Variants in RARB observed in about 807,000 individuals in gnomAD.
RARB encodes the protein retinoic acid receptor beta, also known as HBV-activated protein.
A neutral mutation model predicts 51.9 loss-of-function variants in RARB; 17 were observed. The observed-to-expected ratio is 0.33, with a 90% CI of 0.22 to 0.49. The LOEUF (loss-of-function observed/expected upper bound fraction) is 0.49, where lower values mean the gene tolerates loss of function less well. RARB is among the 20% of genes least tolerant of loss of function. RARB has a pLI of 0.99. For synonymous variants in RARB, 215 were observed against 195.4 expected (o/e 1.10, Z -0.84); for missense variants, 369 against 550.8 (o/e 0.67, Z 3.30).
chr3:25,450,640 G>A (rs1432389655), intron 1 of RARB, among the ~76,000 whole-genome samples: 2 of 152,132 alleles, frequency 1.3e-5, no homozygotes, highest in African/African-American at 4.8e-5. Context: ...TCTTTGTTGT[G>A]TAGGAGGGGC....
At chr3:25,278,735 A>G (rs757627042) in intron 5 of RARB, among the ~76,000 whole-genome samples, 2 of 152,210 alleles carry the variant, frequency 1.3e-5, no homozygotes, top group Non-Finnish European at 2.9e-5. Context: ...CATGTGTACC[A>G]TATTATGTGA....
At chr3:25,416,877 TCTGTTA>T (rs1178508788) in intron 5 of RARB, among the ~76,000 whole-genome samples, 2 of 152,314 alleles carry the variant, frequency 1.3e-5, no homozygotes, top group Admixed American at 1.3e-4. Flanking sequence ...AATAGCCTCC[TCTGTTA>T]CTGTTGTGGT....
At chr3:24,999,106 T>G (rs1267024396) in intron 2 of RARB, among the ~76,000 whole-genome samples, 1 of 152,160 alleles carries the variant, frequency 6.6e-6, no homozygotes, top group Non-Finnish European at 1.5e-5. Context: ...TTAAGCTTCT[T>G]CAGGCTTTTC....
intron 5 of RARB, among the ~76,000 whole-genome samples, chr3:25,591,843 C>T (rs918110074): frequency 2.6e-5 from 4 of 152,204 alleles, no homozygotes; most frequent in Admixed American, 6.5e-5. Flanking sequence ...TCCTTATCCA[C>T]GCTGGAGTCC....
chr3:25,519,027 G>A (rs1015020369), intron 3 of RARB, among the ~76,000 whole-genome samples: 7 of 152,154 alleles, frequency 4.6e-5, no homozygotes, highest in African/African-American at 1.7e-4. Flanking sequence ...CACCTACACA[G>A]AGTCACAGTG....
intron 3 of RARB, among the ~76,000 whole-genome samples, chr3:25,062,124 G>A (rs774431586): frequency 1.3e-5 from 2 of 151,638 alleles, no homozygotes; most frequent in East Asian, 1.9e-4. Flanking sequence ...AAAATGGAAC[G>A]TGTTTATATC....
intron 3 of RARB, among the ~76,000 whole-genome samples, chr3:25,548,132 G>A (rs974209489): frequency 1.4e-5 from 2 of 145,942 alleles, no homozygotes; most frequent in East Asian, 2.0e-4. Flanking sequence ...AGTGGACTGT[G>A]GTTTGTGTGC....
intron 2 of RARB, among the ~76,000 whole-genome samples, chr3:24,926,733 T>C (rs2125390727): frequency 6.6e-6 from 1 of 151,976 alleles, no homozygotes; most frequent in South Asian, 2.1e-4. Context: ...TATAAATATA[T>C]AGCATGCCCT....
intron 5 of RARB, among the ~76,000 whole-genome samples, chr3:25,238,109 T>C (rs1344350591): frequency 6.6e-6 from 1 of 152,104 alleles, no homozygotes; most frequent in Non-Finnish European, 1.5e-5. Context: ...TATTTAATTG[T>C]ATGTTTGTAC....
chr3:25,456,718 G>GAGAGAC (rs1694939818), intron 1 of RARB, among the ~76,000 whole-genome samples: 1 of 124,320 alleles, frequency 8.0e-6, no homozygotes, highest in East Asian at 2.3e-4. Flanking sequence ...GAGAGAGAGA[G>GAGAGAC]TCAAATACTT....
At chr3:25,289,735 G>A (rs1033661160) in intron 5 of RARB, among the ~76,000 whole-genome samples, 5 of 148,376 alleles carry the variant, frequency 3.4e-5, no homozygotes, top group African/African-American at 9.7e-5. Flanking sequence ...GGAGGAAGGC[G>A]AAGGATTTTT....
At chr3:25,005,365 A>G (rs954242407) in intron 2 of RARB, among the ~76,000 whole-genome samples, 2 of 152,092 alleles carry the variant, frequency 1.3e-5, no homozygotes, top group Non-Finnish European at 2.9e-5. Context: ...CTGCCTAAGA[A>G]TTTCTCATGA....
At chr3:24,982,739 A>G (rs967602634) in intron 2 of RARB, among the ~76,000 whole-genome samples, 1 of 152,158 alleles carries the variant, frequency 6.6e-6, no homozygotes, top group African/African-American at 2.4e-5. Flanking sequence ...GGCTCCTAAT[A>G]ATAGTTACAC....
intron 1 of RARB, among the ~76,000 whole-genome samples, chr3:25,431,008 T>TTA: frequency 7.5e-6 from 1 of 133,948 alleles, no homozygotes; most frequent in East Asian, 2.0e-4. Context: ...TTTTTTTTTT[T>TTA]AGAGATTCTA....
At chr3:25,174,575 A>G in exon 5 of RARB, 2 of 1,352,092 alleles carry the variant, frequency 1.5e-6, no homozygotes, top group Non-Finnish European at 2.0e-6. Context: ...GTCGCCGGCA[A>G]GTAAGTCCTG....
intron 2 of RARB, among the ~76,000 whole-genome samples, chr3:24,991,947 G>T (rs371089786): frequency 3.9e-5 from 6 of 152,006 alleles, no homozygotes; most frequent in African/African-American, 1.4e-4. Flanking sequence ...GTGCCAAACT[G>T]TGCAGAGGTG....
intron 2 of RARB, among the ~76,000 whole-genome samples, chr3:24,894,549 TA>T (rs1703443430): frequency 6.6e-6 from 1 of 152,194 alleles, no homozygotes; most frequent in Admixed American, 6.5e-5. Context: ...ATGTCTTTGC[TA>T]TTGTGAACAG....
At chr3:25,474,928 G>A (rs1291089989) in intron 2 of RARB, among the ~76,000 whole-genome samples, 1 of 152,124 alleles carries the variant, frequency 6.6e-6, no homozygotes, top group African/African-American at 2.4e-5. Flanking sequence ...CTCATGTTGT[G>A]TACAGTATAC....
At chr3:24,874,712 T>A (rs1301520944) in intron 2 of RARB, among the ~76,000 whole-genome samples, 2 of 152,018 alleles carry the variant, frequency 1.3e-5, no homozygotes, top group Admixed American at 6.6e-5. Flanking sequence ...TGAGTAAATG[T>A]CATGTAACTG....
Sources: allele counts gnomAD v4.1 joint callset (sites outside exome capture counted in the v4.1 genomes callset), GRCh38; gene constraint gnomAD v4.1.1; transcripts MANE v1.5; gene names NCBI Gene and HGNC (gene_info 2026-07-23, HGNC 2026-07-21).